PDE8B: variants seen among roughly 807,000 people sequenced by gnomAD.
PDE8B encodes phosphodiesterase 8B.
PDE8B carries 26 observed loss-of-function variants against 101.3 expected under a neutral mutation model. The ratio of observed to expected loss-of-function variants is 0.26; its 90% CI spans 0.19 to 0.36. PDE8B has a LOEUF of 0.36. Ranked by LOEUF, PDE8B falls within the 10% of genes least tolerant of loss-of-function variation. PDE8B has a pLI of 1.00. For missense variants in PDE8B, 810 were observed against 1,163.1 expected, an observed-to-expected ratio of 0.70 and a Z score of 4.42; for synonymous variants, 424 against 429.3, an observed-to-expected ratio of 0.99 and a Z score of 0.15.
intron 6 of PDE8B, among the ~76,000 whole-genome samples, chr5:77,341,284 G>A (rs985418790): frequency 3.9e-5 from 6 of 152,142 alleles, no homozygotes; most frequent in Non-Finnish European, 8.8e-5. Flanking sequence ...GGGAAATAGT[G>A]TGTTCTTTCT....
At chr5:77,127,518 A>G in the PDE8B span, among the ~76,000 whole-genome samples, 1 of 152,108 alleles carries the variant, frequency 6.6e-6, no homozygotes, top group Admixed American at 6.5e-5. Context: ...GTATTTCTTT[A>G]TAGCAGTGTG....
chr5:77,149,968 T>TA, the PDE8B span, among the ~76,000 whole-genome samples: 2 of 152,350 alleles, frequency 1.3e-5, no homozygotes, highest in South Asian at 4.1e-4. Flanking sequence ...ACTATTACCA[T>TA]AATCCCTACA....
In PDE8B at chr5:77,211,258, C is replaced by T. The variant is rs997861894; in HGVS notation, c.333C>T (p.Ser111=). ...AEAETQTCYT[S]VKQVSSAEVR... is the part of the protein sequence containing the mutation. The stretch of plus-strand genomic sequence containing the variant: ...CCGAGACTCAGACCTGCTACACCAG[C>T]GTGAAGGTAAATGCCCCGCGCTGGC... The change falls in exon 1 of 22, where the codon AGC becomes AGT. Residue 111 remains serine (S), a synonymous_variant. Coordinates refer to ENST00000264917, the MANE Select transcript of PDE8B (RefSeq NM_003719.5). The surrounding 1 kb of genome is among the most constrained non-coding windows in gnomAD (Gnocchi z 4.1). The T allele has an allele frequency of 1.9e-6, 3 of 1,569,412 alleles. No homozygotes were observed. Among genetic ancestry groups the T allele is most frequent in the African/African-American group, 1.4e-5 (1 of 73,598 alleles).
chr5:77,122,352 A>G, the PDE8B span, among the ~76,000 whole-genome samples: 28 of 152,224 alleles, frequency 1.8e-4, no homozygotes, highest in Non-Finnish European at 3.2e-4. Flanking sequence ...TACTCTTTTC[A>G]GCATAGGAAC....
At chr5:77,094,094 G>A in the PDE8B span, among the ~76,000 whole-genome samples, 3 of 151,770 alleles carry the variant, frequency 2.0e-5, no homozygotes, top group Non-Finnish European at 2.9e-5. Flanking sequence ...GAACCTGTAG[G>A]GAAGAATATG....
chr5:77,415,864 G>A (rs1382620863), intron 17 of PDE8B, among the ~76,000 whole-genome samples: 5 of 152,166 alleles, frequency 3.3e-5, no homozygotes, highest in Non-Finnish European at 7.3e-5. Context: ...TATTTATCCT[G>A]AATAAGAAAC....
At chr5:77,271,311 G>C (rs1176144670) in intron 1 of PDE8B, among the ~76,000 whole-genome samples, 1 of 152,220 alleles carries the variant, frequency 6.6e-6, no homozygotes, top group African/African-American at 2.4e-5. Context: ...GCTGAAGTCT[G>C]GTTTGGAGCT....
chr5:77,100,340 A>G, the PDE8B span: 1 of 152,292 alleles, frequency 6.6e-6, no homozygotes, highest in Non-Finnish European at 1.5e-5. Context: ...ATGGATGGCC[A>G]GGATCAAAGC....
chr5:77,389,797 A>G (rs1347501917), intron 10 of PDE8B, among the ~76,000 whole-genome samples: 1 of 151,970 alleles, frequency 6.6e-6, no homozygotes, highest in Non-Finnish European at 1.5e-5. Flanking sequence ...CCTTTTTATT[A>G]CTGAATATTC....
At chr5:77,172,603 A>T in the PDE8B span, among the ~76,000 whole-genome samples, 1 of 152,230 alleles carries the variant, frequency 6.6e-6, no homozygotes, top group Non-Finnish European at 1.5e-5. Context: ...CAATTAATTC[A>T]TCCATTTATT....
chr5:77,289,666 G>T (rs1380390020), intron 1 of PDE8B, among the ~76,000 whole-genome samples: 2 of 152,180 alleles, frequency 1.3e-5, no homozygotes, highest in African/African-American at 2.4e-5. Context: ...AAATGAAAAG[G>T]TTGGACAAGA....
chr5:77,155,690 C>T, the PDE8B span, among the ~76,000 whole-genome samples: 3 of 152,152 alleles, frequency 2.0e-5, no homozygotes, highest in Non-Finnish European at 4.4e-5. Context: ...CCTCATTTTA[C>T]ATGTAGAGAA....
the PDE8B span, among the ~76,000 whole-genome samples, chr5:77,161,919 T>C: frequency 6.6e-6 from 1 of 152,068 alleles, no homozygotes; most frequent in African/African-American, 2.4e-5. Context: ...ATAGATCTTC[T>C]TTTGTTAGGT....
the PDE8B span, among the ~76,000 whole-genome samples, chr5:77,162,222 A>G: frequency 3.3e-5 from 5 of 152,076 alleles, no homozygotes; most frequent in Non-Finnish European, 7.4e-5. Context: ...AAAATAAAAT[A>G]TATCTAAGGC....
chr5:77,260,970 A>G (rs1760456423), intron 1 of PDE8B, among the ~76,000 whole-genome samples: 1 of 152,164 alleles, frequency 6.6e-6, no homozygotes, highest in South Asian at 2.1e-4. Context: ...AATTATGATG[A>G]CTGTTCTAAT....
the PDE8B span, among the ~76,000 whole-genome samples, chr5:77,156,439 G>A: frequency 6.6e-6 from 1 of 152,186 alleles, no homozygotes; most frequent in African/African-American, 2.4e-5. Context: ...GATGGAGAAG[G>A]AGAGCTAGCT....
chr5:77,389,940 T>G (rs960893675), intron 10 of PDE8B, among the ~76,000 whole-genome samples: 1 of 152,194 alleles, frequency 6.6e-6, no homozygotes, highest in African/African-American at 2.4e-5. Flanking sequence ...TTGCCTTGAG[T>G]AAACACTTAG....
intron 15 of PDE8B, 41 bp from the exon 16 acceptor site, chr5:77,412,059 C>T (rs1581563026): frequency 1.2e-6 from 2 of 1,611,916 alleles, no homozygotes; most frequent in Non-Finnish European, 1.7e-6. Context: ...ACTCAAGATT[C>T]CACAATTAAC....
chr5:77,210,870 G>C lies in PDE8B; in HGVS notation c.-56G>C, dbSNP rs1191273780. On this transcript the variant is annotated 5_prime_UTR_variant, in exon 1 of 22. Transcript: ENST00000264917. This position sits in a 1 kb window ranked among gnomAD's most constrained non-coding sequence, Gnocchi z 4.9. Reference sequence around the variant, plus strand: ...CCTCACTGCAGGTGGCAGCGGGTGCGCTGGGTCCCGGCGGCCGCGGGCGCG... The same window carrying C: ...CCTCACTGCAGGTGGCAGCGGGTGCCCTGGGTCCCGGCGGCCGCGGGCGCG... The C allele has an allele frequency of 5.0e-6, 6 of 1,201,850 alleles. No individual in the cohort carries two copies. The allele number at this position is 1,201,850 out of a possible 1,614,324, so 74.4% of individuals were successfully genotyped here. A position where few individuals can be genotyped will look rare whatever the true frequency, so the allele number is the denominator to read the frequency against.
Sources: allele counts gnomAD v4.1 joint callset (sites outside exome capture counted in the v4.1 genomes callset), GRCh38; gene constraint gnomAD v4.1.1; non-coding constraint Gnocchi (gnomAD v3.1); transcripts MANE v1.5; gene names NCBI Gene and HGNC (gene_info 2026-07-23, HGNC 2026-07-21).